CEP128: variants seen among roughly 807,000 people sequenced by gnomAD.
The protein encoded by CEP128 is centrosomal protein 128kDa.
CEP128 carries 132 observed loss-of-function variants against 156.7 expected under a neutral mutation model. That is an observed-to-expected ratio of 0.84 (90% CI 0.73 to 0.97). The LOEUF (loss-of-function observed/expected upper bound fraction) is 0.97. Among genes scored for constraint, CEP128 ranks in the 50% least tolerant of loss-of-function variants. The pLI is 0.00. For missense variants in CEP128, 1,252 were observed against 1,281.9 expected (o/e 0.98, Z 0.36); for synonymous variants, 469 against 448.9 (o/e 1.04, Z -0.57).
intron 23 of CEP128, among the ~76,000 whole-genome samples, chr14:80,512,391 G>A (rs1888302980): frequency 6.6e-6 from 1 of 151,904 alleles, no homozygotes; most frequent in African/African-American, 2.4e-5. Flanking sequence ...TCTGATATAA[G>A]TATAGCTACT....
intron 9 of CEP128, among the ~76,000 whole-genome samples, chr14:80,857,072 G>T (rs761845178): frequency 5.3e-5 from 8 of 151,822 alleles, no homozygotes; most frequent in Non-Finnish European, 1.0e-4. Context: ...AAGTAATTCG[G>T]CTGAAGATGA....
At chr14:80,882,179 A>G (rs573368793) in intron 8 of CEP128, among the ~76,000 whole-genome samples, 5 of 152,284 alleles carry the variant, frequency 3.3e-5, no homozygotes, top group South Asian at 2.1e-4. Flanking sequence ...TCATCTGACA[A>G]TAAATTAATA....
At chr14:80,777,405 A>C (rs1456494048) in intron 16 of CEP128, among the ~76,000 whole-genome samples, 1 of 152,186 alleles carries the variant, frequency 6.6e-6, no homozygotes, top group Admixed American at 6.5e-5. Flanking sequence ...TTCTGCCAGC[A>C]CCTTGATCTT....
intron 21 of CEP128, among the ~76,000 whole-genome samples, chr14:80,536,442 C>T (rs1415033934): frequency 1.3e-5 from 2 of 152,052 alleles, no homozygotes; most frequent in Non-Finnish European, 2.9e-5. Context: ...GAGTTTTTGG[C>T]ACTGCACACA....
At chr14:80,641,643 T>C (rs1287642794) in intron 19 of CEP128, among the ~76,000 whole-genome samples, 7 of 152,150 alleles carry the variant, frequency 4.6e-5, no homozygotes, top group African/African-American at 9.7e-5. Flanking sequence ...GCTGAAAGAG[T>C]GCTTTCTGAG....
intron 23 of CEP128, among the ~76,000 whole-genome samples, chr14:80,521,134 C>T (rs372864559): frequency 1.2e-4 from 18 of 151,618 alleles, no homozygotes; most frequent in Admixed American, 4.6e-4. Context: ...CCACCACACC[C>T]GGCCTTAAAG....
intron 19 of CEP128, among the ~76,000 whole-genome samples, chr14:80,741,570 C>T (rs1898833212): frequency 6.6e-6 from 1 of 152,144 alleles, no homozygotes; most frequent in African/African-American, 2.4e-5. Flanking sequence ...GTGATGGAAA[C>T]TCCTTCTCCC....
chr14:80,536,205 T>TTA (rs1889476279), intron 21 of CEP128, among the ~76,000 whole-genome samples: 1 of 152,216 alleles, frequency 6.6e-6, no homozygotes, highest in Non-Finnish European at 1.5e-5. Context: ...ATTGCAATTC[T>TTA]TAGATTCCTG....
intron 14 of CEP128, among the ~76,000 whole-genome samples, chr14:80,481,859 A>G (rs1887060923): frequency 6.6e-6 from 1 of 152,226 alleles, no homozygotes; most frequent in South Asian, 2.1e-4. Context: ...TAGTATCTAA[A>G]CCTAAAAAGA....
chr14:80,931,584 TAC>T (rs1431017779), intron 2 of CEP128, among the ~76,000 whole-genome samples: 3 of 152,170 alleles, frequency 2.0e-5, no homozygotes, highest in African/African-American at 7.2e-5. Flanking sequence ...CTTTTAGAAA[TAC>T]AGTCACTACT....
intron 8 of CEP128, among the ~76,000 whole-genome samples, chr14:80,883,936 C>A (rs1291053990): frequency 2.0e-5 from 3 of 152,098 alleles, no homozygotes; most frequent in African/African-American, 7.2e-5. Context: ...ACAATCACAG[C>A]AAACTCATTC....
intron 13 of CEP128, among the ~76,000 whole-genome samples, chr14:80,800,880 T>C (rs1883802732): frequency 2.0e-5 from 3 of 152,332 alleles, no homozygotes; most frequent in South Asian, 4.1e-4. Flanking sequence ...TAAGTTAGTA[T>C]GTTTCAAGAG....
At chr14:80,891,716 A>G (rs1889110595) in intron 8 of CEP128, among the ~76,000 whole-genome samples, 1 of 152,112 alleles carries the variant, frequency 6.6e-6, no homozygotes, top group South Asian at 2.1e-4. Flanking sequence ...TTTGTAACAA[A>G]GAATAAATGC....
chr14:80,759,154 C>T (rs532231785), intron 17 of CEP128, among the ~76,000 whole-genome samples: 1 of 152,100 alleles, frequency 6.6e-6, no homozygotes, highest in African/African-American at 2.4e-5. Context: ...TTGTAGTGTA[C>T]GTCTGTCCTT....
chr14:80,717,265 A>G (rs2139440306), intron 19 of CEP128, among the ~76,000 whole-genome samples: 1 of 152,342 alleles, frequency 6.6e-6, no homozygotes, highest in East Asian at 1.9e-4. Context: ...AGCAGAATTG[A>G]AATCAAATAT....
intron 2 of CEP128, among the ~76,000 whole-genome samples, chr14:80,951,850 T>C (rs1886472826): frequency 1.3e-5 from 2 of 151,994 alleles, no homozygotes; most frequent in Admixed American, 1.3e-4. Context: ...GGATTGGCTC[T>C]ACCAATAACA....
At chr14:80,626,785 C>T (rs1160558891) in intron 19 of CEP128, among the ~76,000 whole-genome samples, 1 of 152,118 alleles carries the variant, frequency 6.6e-6, no homozygotes, top group Non-Finnish European at 1.5e-5. Flanking sequence ...CAAAAATTAG[C>T]TAGATGTGGT....
chr14:80,690,976 CA>C (rs1896702724), intron 19 of CEP128, among the ~76,000 whole-genome samples: 1 of 152,030 alleles, frequency 6.6e-6, no homozygotes, highest in Non-Finnish European at 1.5e-5. Flanking sequence ...GATAAAATGA[CA>C]ATATTGTAAT....
At chr14:80,844,390 A>C (rs1044565940) in intron 9 of CEP128, among the ~76,000 whole-genome samples, 4 of 152,096 alleles carry the variant, frequency 2.6e-5, no homozygotes, top group African/African-American at 9.7e-5. Flanking sequence ...ACACTTTGGT[A>C]GGTGAAAAGT....
Sources: gnomAD v4.1 joint callset for allele counts (sites outside exome capture counted in the v4.1 genomes callset) on GRCh38, gnomAD v4.1.1 for gene constraint, MANE v1.5 for transcripts, NCBI Gene and HGNC (gene_info 2026-07-23, HGNC 2026-07-21) for gene names.